Variants in ZHX2 observed in about 807,000 individuals in gnomAD.
The protein encoded by ZHX2 is zinc fingers and homeoboxes 2, also known as zinc fingers and homeoboxes protein 2.
Under a neutral mutation model 21.9 loss-of-function variants are expected in ZHX2, and 6 were observed. The ratio of observed to expected loss-of-function variants is 0.27; its 90% CI spans 0.15 to 0.54. The LOEUF is 0.54. Ranked by LOEUF, ZHX2 falls within the 20% of genes least tolerant of loss-of-function variation. ZHX2 has a pLI of 0.95. For missense variants in ZHX2, 908 were observed against 1,090.7 expected (o/e 0.83, Z 2.36); for synonymous variants, 434 against 437.1 (o/e 0.99, Z 0.09).
chr8:122,894,614 G>C (rs182052151), intron 2 of ZHX2, among the ~76,000 whole-genome samples: 30 of 152,254 alleles, frequency 2.0e-4, no homozygotes, highest in Admixed American at 5.9e-4. Context: ...CATGGACACA[G>C]GAAAGGGAAC....
intron 3 of ZHX2, among the ~76,000 whole-genome samples, chr8:122,969,012 A>T (rs560088973): frequency 7.2e-5 from 11 of 152,108 alleles, no homozygotes; most frequent in Non-Finnish European, 1.5e-4. Flanking sequence ...TACAAAAATT[A>T]GAGCCGGGTG....
In ZHX2 at chr8:122,863,494, G is replaced by A. The variant is rs977234972; in HGVS notation, c.-265G>A. ...CCCTGTAGGTCTGGATGTACCGACT[G>A]CTTTTGGAATAAAAAGATTCCCAGG... On this transcript the variant is annotated 5_prime_UTR_variant, in exon 2 of 4. Coordinates refer to ENST00000314393, the MANE Select transcript of ZHX2 (RefSeq NM_014943.5). The A allele has an allele frequency of 1.3e-5, 2 of 152,650 alleles. No individual in the cohort carries two copies. The highest frequency in any genetic ancestry group is 2.4e-5 in the African/African-American group (1 of 41,400). 9.5% of individuals were successfully genotyped at this position (152,650 alleles called of 1,614,324 possible).
Position 122,894,009 on chromosome 8 carries a change from G to A in ZHX2, c.-220+30470G>A, listed in dbSNP as rs1212852647. On this transcript the variant is annotated intron_variant, in intron 2 of 3. Coordinates refer to ENST00000314393, the MANE Select transcript of ZHX2 (RefSeq NM_014943.5). ...AGATGTGTCCTATAGCGTTGGCTGGGTAGGTGCTTTGGCTTTGGTGGTAGG... is the reference window on the plus strand; with the variant it reads ...AGATGTGTCCTATAGCGTTGGCTGGATAGGTGCTTTGGCTTTGGTGGTAGG... 8.5e-5 allele frequency among the ~76,000 whole-genome samples: 13 copies of A among 152,364 alleles called. No individual in the cohort carries two copies. In the East Asian group the frequency reaches 2.5e-3, roughly 29 times the overall value.
At position 122,828,372 on chromosome 8, in the gene ZHX2, C is replaced by T. The variant is rs1464680966; in HGVS notation, c.-282-35105C>T. 6.6e-6 allele frequency among the ~76,000 whole-genome samples: 1 copy of T among 152,170 alleles called. No homozygotes were observed. The highest frequency in any genetic ancestry group is 1.5e-5 in the Non-Finnish European group (1 of 68,020). On this transcript the variant is annotated intron_variant, in intron 1 of 3. Coordinates refer to ENST00000314393, the MANE Select transcript of ZHX2 (RefSeq NM_014943.5). The surrounding 1 kb of genome is among the most constrained non-coding windows in gnomAD (Gnocchi z 5.2). ...TGATATGGAGGAAGAGGATCTCACT[C>T]ACACACCAGGAGACTGGAGGGAGGG... is the stretch of plus-strand genomic sequence containing the variant.
intron 1 of ZHX2, among the ~76,000 whole-genome samples, chr8:122,829,358 G>T (rs562540344): frequency 6.6e-6 from 1 of 152,202 alleles, no homozygotes; most frequent in Non-Finnish European, 1.5e-5. Context: ...ATCAAACAAG[G>T]CTTGTTAACT....
At chr8:122,958,437 G>C (rs1470152432) in intron 3 of ZHX2, among the ~76,000 whole-genome samples, 1 of 152,148 alleles carries the variant, frequency 6.6e-6, no homozygotes, top group Admixed American at 6.5e-5. Context: ...CTTGATGTTT[G>C]GTCAAATGGA....
At chr8:122,861,097 C>T (rs911394840) in intron 1 of ZHX2, among the ~76,000 whole-genome samples, 3 of 145,144 alleles carry the variant, frequency 2.1e-5, no homozygotes, top group Non-Finnish European at 4.5e-5. Flanking sequence ...GGCCTTTGCA[C>T]AAATATCAGG....
At chr8:122,793,090 T>C (rs1483133443) in intron 1 of ZHX2, among the ~76,000 whole-genome samples, 1 of 152,160 alleles carries the variant, frequency 6.6e-6, no homozygotes, top group Non-Finnish European at 1.5e-5. Context: ...GAATCGCTGC[T>C]CACAGGGTTG....
chr8:122,788,067 C>T (rs887530262), intron 1 of ZHX2, among the ~76,000 whole-genome samples: 3 of 152,190 alleles, frequency 2.0e-5, no homozygotes, highest in Admixed American at 6.5e-5. Context: ...CCCTACACAA[C>T]CAGATGCACA....
chr8:122,959,543 A>T (rs983841008), intron 3 of ZHX2, among the ~76,000 whole-genome samples: 1 of 152,216 alleles, frequency 6.6e-6, no homozygotes, highest in Non-Finnish European at 1.5e-5. Flanking sequence ...TTCAGAGCAG[A>T]TGCTGAATAA....
chr8:122,926,717 T>C (rs1368586626), intron 2 of ZHX2, among the ~76,000 whole-genome samples: 1 of 152,192 alleles, frequency 6.6e-6, no homozygotes, highest in Non-Finnish European at 1.5e-5. Flanking sequence ...AACATCTGTT[T>C]CCTTGCCTTT....
At chr8:122,850,476 A>C (rs193241261) in intron 1 of ZHX2, among the ~76,000 whole-genome samples, 48 of 152,014 alleles carry the variant, frequency 3.2e-4, no homozygotes, top group African/African-American at 1.1e-3. Flanking sequence ...TGTATCTATG[A>C]AAAGTACAAA....
At chr8:122,840,239 T>C (rs561538335) in intron 1 of ZHX2, among the ~76,000 whole-genome samples, 1 of 152,344 alleles carries the variant, frequency 6.6e-6, no homozygotes, top group East Asian at 1.9e-4. Flanking sequence ...GATTAATTAT[T>C]GTAATTGCCT....
At chr8:122,865,375 G>A (rs572899284) in intron 2 of ZHX2, among the ~76,000 whole-genome samples, 14 of 152,074 alleles carry the variant, frequency 9.2e-5, no homozygotes, top group African/African-American at 2.7e-4. Context: ...TGATCCGCCC[G>A]CCTCAGCCTT....
chr8:122,946,940 C>G (rs967979646), intron 2 of ZHX2, among the ~76,000 whole-genome samples: 2 of 151,904 alleles, frequency 1.3e-5, no homozygotes, highest in African/African-American at 4.8e-5. Context: ...AGCTGCAGTT[C>G]CCAAGAGATA....
At chr8:122,823,781 T>G (rs780931054) in intron 1 of ZHX2, among the ~76,000 whole-genome samples, 20 of 152,226 alleles carry the variant, frequency 1.3e-4, no homozygotes, top group Non-Finnish European at 2.5e-4. Flanking sequence ...CAGTTACGGC[T>G]GCTGTTGACA....
At chr8:122,957,868 A>G (rs1015797429) in intron 3 of ZHX2, among the ~76,000 whole-genome samples, 22 of 152,306 alleles carry the variant, frequency 1.4e-4, no homozygotes, top group South Asian at 4.1e-4. Context: ...CCTTAAAGGA[A>G]TCTTTCAATT....
At chr8:122,955,839 A>ATTTTTTTGTTTTTTTTTTTTTTTTT (rs1813284847) in intron 3 of ZHX2, among the ~76,000 whole-genome samples, 1 of 104,924 alleles carries the variant, frequency 9.5e-6, no homozygotes, top group Non-Finnish European at 1.8e-5. Context: ...TGAGGGAGTG[A>ATTTTTTTGTTTTTTTTTTTTTTTTT]TTTTTTTTTT....
intron 3 of ZHX2, among the ~76,000 whole-genome samples, chr8:122,963,993 A>T (rs1285401114): frequency 6.6e-6 from 1 of 152,008 alleles, no homozygotes; most frequent in Non-Finnish European, 1.5e-5. Flanking sequence ...ATTTGTGTAC[A>T]TTGATTTTGT....
Sources: gnomAD v4.1 joint callset for allele counts (sites outside exome capture counted in the v4.1 genomes callset) on GRCh38, gnomAD v4.1.1 for gene constraint, Gnocchi (gnomAD v3.1) non-coding constraint, MANE v1.5 for transcripts, NCBI Gene and HGNC (gene_info 2026-07-23, HGNC 2026-07-21) for gene names.